DRD2: variants seen among roughly 807,000 people sequenced by gnomAD.
DRD2 encodes the protein D(2) dopamine receptor.
DRD2 carries 8 observed loss-of-function variants against 38.0 expected under a neutral mutation model. The ratio of observed to expected loss-of-function variants is 0.21; its 90% CI spans 0.12 to 0.38. The LOEUF is 0.38. Ranked by LOEUF, DRD2 falls within the 10% of genes least tolerant of loss-of-function variation. The pLI, the probability that DRD2 is intolerant of heterozygous loss-of-function variation, is 1.00. For missense variants in DRD2, 403 were observed against 607.7 expected (o/e 0.66, Z 3.54); for synonymous variants, 230 against 238.6 (o/e 0.96, Z 0.33).
chr11:113,418,995 C>G (rs529977948), intron 2 of DRD2, among the ~76,000 whole-genome samples: 10 of 152,234 alleles, frequency 6.6e-5, no homozygotes, highest in Non-Finnish European at 1.3e-4. Flanking sequence ...TGTTATCACT[C>G]AGCCATACCT....
At chr11:113,417,783 C>T (rs1190918577) in intron 3 of DRD2, among the ~76,000 whole-genome samples, 1 of 152,212 alleles carries the variant, frequency 6.6e-6, no homozygotes, top group Non-Finnish European at 1.5e-5. Flanking sequence ...CCCTTTTGTA[C>T]CAGTCACTGT....
At chr11:113,443,323 A>C (rs969807897) in intron 1 of DRD2, among the ~76,000 whole-genome samples, 2 of 152,110 alleles carry the variant, frequency 1.3e-5, no homozygotes, top group Admixed American at 6.5e-5. Context: ...TTGTGGTACC[A>C]AAATCTGCAA....
intron 1 of DRD2, among the ~76,000 whole-genome samples, chr11:113,467,523 G>A (rs978553578): frequency 2.0e-5 from 3 of 152,228 alleles, no homozygotes; most frequent in African/African-American, 4.8e-5. Flanking sequence ...GTCTGCTCAT[G>A]TGAAGTTCTT....
intron 1 of DRD2, among the ~76,000 whole-genome samples, chr11:113,444,179 G>A (rs1328172589): frequency 6.6e-6 from 1 of 152,110 alleles, no homozygotes; most frequent in Non-Finnish European, 1.5e-5. Flanking sequence ...GAGATCACAG[G>A]CATGCACCAC....
chr11:113,473,006 A>G (rs1043069523), intron 1 of DRD2, among the ~76,000 whole-genome samples: 1 of 152,248 alleles, frequency 6.6e-6, no homozygotes, highest in Non-Finnish European at 1.5e-5. Flanking sequence ...TCACACTTGA[A>G]GAATTTAACA....
At position 113,410,500 on chromosome 11, in the gene DRD2, G is replaced by A. The variant is rs1344209962; in HGVS notation, c.*227C>T. On this transcript the variant is annotated 3_prime_UTR_variant, in exon 8 of 8. Coordinates refer to ENST00000362072, the MANE Select transcript of DRD2 (RefSeq NM_000795.4). Reference sequence around the variant, plus strand: ...TCTATGAGCTGCCCCTGAGCTGGGGGGCCCAGCCCCAGGGCTGGTACCATG... The same window carrying A: ...TCTATGAGCTGCCCCTGAGCTGGGGAGCCCAGCCCCAGGGCTGGTACCATG... The A allele has an allele frequency of 6.5e-6, 4 of 616,036 alleles. No individual in the cohort carries two copies. In the Admixed American group the frequency reaches 1.1e-4, roughly 16 times the overall value. The allele number at this position is 616,036 out of a possible 1,614,324, so 38.2% of individuals were successfully genotyped here. A position where few individuals can be genotyped will look rare whatever the true frequency, so the allele number is the denominator to read the frequency against.
At chr11:113,411,165 A>G (rs1283743990) in intron 7 of DRD2, among the ~76,000 whole-genome samples, 1 of 151,674 alleles carries the variant, frequency 6.6e-6, no homozygotes, top group East Asian at 1.9e-4. Context: ...AGAAAAGGGT[A>G]CATGGTTTAA....
chr11:113,420,996 T>C (rs754049709), intron 2 of DRD2, among the ~76,000 whole-genome samples: 7 of 152,142 alleles, frequency 4.6e-5, no homozygotes, highest in Non-Finnish European at 1.0e-4. Context: ...ACTGTAATAA[T>C]ACTAAGGACT....
chr11:113,431,307 C>A (rs1235217924), intron 1 of DRD2, among the ~76,000 whole-genome samples: 1 of 152,190 alleles, frequency 6.6e-6, no homozygotes, highest in African/African-American at 2.4e-5. Context: ...CCTTTCTGTG[C>A]AGGAAAGTGG....
intron 1 of DRD2, among the ~76,000 whole-genome samples, chr11:113,441,171 C>G (rs371215120): frequency 8.0e-4 from 122 of 152,314 alleles, no homozygotes; most frequent in African/African-American, 2.9e-3. Context: ...TGTTTGCTGT[C>G]TTCCTACAAT....
intron 1 of DRD2, among the ~76,000 whole-genome samples, chr11:113,436,870 C>T (rs1331045844): frequency 6.6e-6 from 1 of 152,190 alleles, no homozygotes; most frequent in African/African-American, 2.4e-5. Flanking sequence ...ATTATGAACA[C>T]TGGCTTCCTT....
At chr11:113,421,148 G>A (rs980710353) in intron 2 of DRD2, among the ~76,000 whole-genome samples, 1 of 152,142 alleles carries the variant, frequency 6.6e-6, no homozygotes, top group Non-Finnish European at 1.5e-5. Context: ...TGGCTTTCTT[G>A]AGAATGCAAG....
intron 4 of DRD2, among the ~76,000 whole-genome samples, chr11:113,416,286 T>C (rs1192146425): frequency 1.3e-5 from 2 of 152,188 alleles, no homozygotes; most frequent in African/African-American, 4.8e-5. Context: ...GCCTCCCTGA[T>C]GAGAGGAAGT....
intron 1 of DRD2, among the ~76,000 whole-genome samples, chr11:113,452,985 T>C (rs1951231145): frequency 6.6e-6 from 1 of 152,034 alleles, no homozygotes; most frequent in African/African-American, 2.4e-5. Context: ...CTTCACACCA[T>C]ACTTTACTTT....
chr11:113,452,105 T>G (rs1441277518), intron 1 of DRD2, among the ~76,000 whole-genome samples: 1 of 152,060 alleles, frequency 6.6e-6, no homozygotes, highest in Non-Finnish European at 1.5e-5. Context: ...TGGGGATCTG[T>G]GCGTCAAGTT....
At chr11:113,468,685 C>G (rs1032480966) in intron 1 of DRD2, among the ~76,000 whole-genome samples, 1 of 152,108 alleles carries the variant, frequency 6.6e-6, no homozygotes, top group African/African-American at 2.4e-5. Context: ...GTAGCTGAGA[C>G]CACAGGTGCA....
At chr11:113,473,980 A>G (rs1951452248) in intron 1 of DRD2, among the ~76,000 whole-genome samples, 1 of 152,238 alleles carries the variant, frequency 6.6e-6, no homozygotes, top group Non-Finnish European at 1.5e-5. Flanking sequence ...GTCAAAATAC[A>G]GAAAGGCTTG....
intron 2 of DRD2, among the ~76,000 whole-genome samples, chr11:113,422,497 G>T (rs1033529999): frequency 6.6e-6 from 1 of 152,222 alleles, no homozygotes; most frequent in East Asian, 1.9e-4. Context: ...GGAAGAAGGA[G>T]GGGATCAAGC....
In DRD2 at chr11:113,426,300, G is replaced by A. The variant is rs146618367; in HGVS notation, c.-31-1618C>T. Among the ~76,000 whole-genome samples the A allele has an allele frequency of 2.5e-3, 387 of 152,216 alleles. 2 individuals are homozygous for A. Among genetic ancestry groups the A allele is most frequent in the Middle Eastern group, 0.017 (5 of 294 alleles). On this transcript the variant is annotated intron_variant, in intron 1 of 7. Transcript: ENST00000362072. ...ATATTCACAGAGAAAAGGGACCAGA[G>A]GGGCTCAGGAGCAGACTTGGGAGGC...
Sources: gnomAD v4.1 joint callset for allele counts (sites outside exome capture counted in the v4.1 genomes callset) on GRCh38, gnomAD v4.1.1 for gene constraint, MANE v1.5 for transcripts, NCBI Gene and HGNC (gene_info 2026-07-23, HGNC 2026-07-21) for gene names.